Variants in DNM3 observed in about 807,000 individuals in gnomAD.
The protein encoded by DNM3 is dynamin-3.
Under a neutral mutation model 101.6 loss-of-function variants are expected in DNM3, and 47 were observed. That is an observed-to-expected ratio of 0.46 (90% CI 0.37 to 0.59). The LOEUF (loss-of-function observed/expected upper bound fraction) is 0.59. Ranked by LOEUF, DNM3 falls within the 20% of genes least tolerant of loss-of-function variation. DNM3 has a pLI of 0.00. For missense variants in DNM3, 849 were observed against 1,085.7 expected (o/e 0.78, Z 3.06); for synonymous variants, 385 against 387.9 (o/e 0.99, Z 0.09).
intron 14 of DNM3, among the ~76,000 whole-genome samples, chr1:172,180,283 G>T (rs1043663143): frequency 6.6e-6 from 1 of 152,062 alleles, no homozygotes; most frequent in African/African-American, 2.4e-5. Context: ...ACCAACACTT[G>T]TTTGTTCTTT....
At chr1:172,217,372 GCTGGGGCCTGC>G (rs2060740364) in intron 14 of DNM3, among the ~76,000 whole-genome samples, 1 of 152,108 alleles carries the variant, frequency 6.6e-6, no homozygotes, top group Non-Finnish European at 1.5e-5. Flanking sequence ...TATTGGTATG[GCTGGGGCCTGC>G]CAACCAATTG....
chr1:172,134,250 C>G (rs990517123), intron 14 of DNM3, among the ~76,000 whole-genome samples: 1 of 152,100 alleles, frequency 6.6e-6, no homozygotes, highest in Non-Finnish European at 1.5e-5. Flanking sequence ...TCAGAACTCT[C>G]AAGAAACAAG....
intron 17 of DNM3, among the ~76,000 whole-genome samples, chr1:172,372,868 G>C (rs749976678): frequency 7.9e-5 from 12 of 151,408 alleles, no homozygotes; most frequent in Non-Finnish European, 1.0e-4. Flanking sequence ...ATTTTTTGTA[G>C]AGACCAGGTT....
intron 17 of DNM3, among the ~76,000 whole-genome samples, chr1:172,359,078 C>T (rs76736312): frequency 1.0e-3 from 152 of 150,870 alleles, no homozygotes; most frequent in African/African-American, 3.6e-3. Flanking sequence ...TGGGGCATCA[C>T]TGAATTTATA....
intron 2 of DNM3, among the ~76,000 whole-genome samples, chr1:171,939,422 A>G (rs969021560): frequency 3.3e-5 from 5 of 152,082 alleles, no homozygotes; most frequent in Admixed American, 6.6e-5. Flanking sequence ...TCTCTTGTCT[A>G]TTTTTGGAGG....
At chr1:171,992,079 TTTTA>T (rs1303612710) in intron 4 of DNM3, among the ~76,000 whole-genome samples, 1 of 152,228 alleles carries the variant, frequency 6.6e-6, no homozygotes, top group Non-Finnish European at 1.5e-5. Flanking sequence ...TTGGAGAATA[TTTTA>T]TTTGTGTGTA....
chr1:172,010,871 A>G (rs1441840497), intron 4 of DNM3, among the ~76,000 whole-genome samples: 1 of 151,510 alleles, frequency 6.6e-6, no homozygotes, highest in African/African-American at 2.4e-5. Context: ...TTTAAATGTC[A>G]TTTGTGAATT....
intron 2 of DNM3, among the ~76,000 whole-genome samples, chr1:171,984,823 C>T (rs1034758255): frequency 2.6e-5 from 4 of 152,178 alleles, no homozygotes; most frequent in Non-Finnish European, 5.9e-5. Context: ...ATACAGGAAT[C>T]CTTGAATCTG....
intron 1 of DNM3, among the ~76,000 whole-genome samples, chr1:171,847,886 C>CTG (rs1375579938): frequency 0.026 from 1,341 of 50,848 alleles, 11 homozygotes; most frequent in East Asian, 0.11. Flanking sequence ...ATTACTCTCT[C>CTG]TCTCTCTCTC....
chr1:171,976,422 C>T (rs941960128), intron 2 of DNM3, among the ~76,000 whole-genome samples: 2 of 152,132 alleles, frequency 1.3e-5, no homozygotes, highest in South Asian at 2.1e-4. Flanking sequence ...TCTTATATGG[C>T]GGCAGGCAAG....
At chr1:172,258,375 A>G (rs1049603709) in intron 15 of DNM3, among the ~76,000 whole-genome samples, 1 of 152,114 alleles carries the variant, frequency 6.6e-6, no homozygotes, top group Non-Finnish European at 1.5e-5. Flanking sequence ...GCTGATTTAC[A>G]TTCCCACCAA....
chr1:171,932,336 G>T (rs2041091646), intron 2 of DNM3, among the ~76,000 whole-genome samples: 1 of 151,280 alleles, frequency 6.6e-6, no homozygotes, highest in African/African-American at 2.4e-5. Context: ...GTAGAGATGG[G>T]GTCTTGCTAT....
At chr1:172,349,529 CAT>C (rs1261726015) in intron 17 of DNM3, among the ~76,000 whole-genome samples, 2 of 152,126 alleles carry the variant, frequency 1.3e-5, no homozygotes, top group African/African-American at 4.8e-5. Context: ...TGTGATCTGA[CAT>C]AGTCTTGGAC....
chr1:172,013,928 G>C (rs1364342930), intron 4 of DNM3, among the ~76,000 whole-genome samples: 1 of 151,894 alleles, frequency 6.6e-6, no homozygotes, highest in Non-Finnish European at 1.5e-5. Flanking sequence ...TTATTATTTT[G>C]AGCAGTTTTA....
chr1:172,238,524 T>C lies in DNM3; in HGVS notation c.1660-15049T>C, dbSNP rs144643435. Reference sequence around the variant, plus strand: ...AGCAGGCATTAATTTATTCTAATTATGCATGAAACAAAGCCTAGGGGAATG... The same window carrying C: ...AGCAGGCATTAATTTATTCTAATTACGCATGAAACAAAGCCTAGGGGAATG... On this transcript the variant is annotated intron_variant, in intron 14 of 20. Transcript: ENST00000627582. Among the ~76,000 whole-genome samples the C allele has an allele frequency of 2.9e-3, 445 of 152,276 alleles. 6 individuals carry two copies. Among genetic ancestry groups the C allele is most frequent in the African/African-American group, 0.01 (419 of 41,576 alleles).
intron 16 of DNM3, among the ~76,000 whole-genome samples, chr1:172,316,015 G>A (rs1258842946): frequency 1.3e-5 from 2 of 152,170 alleles, no homozygotes; most frequent in East Asian, 3.8e-4. Flanking sequence ...ACAAAGGGAA[G>A]CCCATCAGAC....
At chr1:171,950,036 T>C (rs1571785525) in intron 2 of DNM3, among the ~76,000 whole-genome samples, 1 of 152,206 alleles carries the variant, frequency 6.6e-6, no homozygotes, top group South Asian at 2.1e-4. Context: ...TGGACAAACA[T>C]ATTGTGGAAC....
downstream of DNM3, among the ~76,000 whole-genome samples, chr1:172,413,419 G>T (rs2071317360): frequency 6.6e-6 from 1 of 152,120 alleles, no homozygotes; most frequent in African/African-American, 2.4e-5. Flanking sequence ...AGTAGAGACG[G>T]GGTTTCACCA....
rs557788629 is a variant in DNM3 at position 172,081,381 on chromosome 1, G to T, written c.1423-451G>T. Among the ~76,000 whole-genome samples, 14 of 152,278 alleles carry T rather than the reference G, an allele frequency of 9.2e-5. No individual in the cohort carries two copies. The South Asian group carries it at 2.7e-3, about 29-fold the overall frequency. ...ATGGTTCTTTAAGCTGCTAAAGATA[G>T]AAGAGGAGAGAGAAAAAAAGAGGTG... On this transcript the variant is annotated intron_variant, in intron 11 of 20. Coordinates refer to ENST00000627582, the MANE Select transcript of DNM3 (RefSeq NM_015569.5).
Sources: gnomAD v4.1 joint callset for allele counts (sites outside exome capture counted in the v4.1 genomes callset) on GRCh38, gnomAD v4.1.1 for gene constraint, MANE v1.5 for transcripts, NCBI Gene and HGNC (gene_info 2026-07-23, HGNC 2026-07-21) for gene names.